METTL15: variants seen among roughly 807,000 people sequenced by gnomAD.
The protein encoded by METTL15 is 12S rRNA N(4)-cytidine methyltransferase METTL15.
Under a neutral mutation model 38.3 loss-of-function variants are expected in METTL15, and 34 were observed. The observed-to-expected ratio is 0.89, with a 90% CI of 0.68 to 1.18. The LOEUF (loss-of-function observed/expected upper bound fraction) is 1.18, where lower values mean the gene tolerates loss of function less well. METTL15 is among the 50% of genes most tolerant of loss of function. METTL15 has a pLI of 0.00. For missense variants in METTL15, 438 were observed against 498.4 expected (o/e 0.88, Z 1.15); for synonymous variants, 162 against 170.9 (o/e 0.95, Z 0.41).
At chr11:28,483,181 T>A (rs1435525319) in intron 6 of METTL15, among the ~76,000 whole-genome samples, 4 of 152,108 alleles carry the variant, frequency 2.6e-5, no homozygotes, top group Non-Finnish European at 5.9e-5. Context: ...GGGAGATACC[T>A]CCCATTATGT....
chr11:28,519,538 G>A (rs555738656), intron 6 of METTL15, among the ~76,000 whole-genome samples: 1 of 146,660 alleles, frequency 6.8e-6, no homozygotes, highest in Non-Finnish European at 1.5e-5. Flanking sequence ...CTGGGCGACA[G>A]AGTGAGGCTC....
intron 6 of METTL15, among the ~76,000 whole-genome samples, chr11:28,503,227 A>G (rs1851599302): frequency 6.6e-6 from 1 of 152,216 alleles, no homozygotes; most frequent in Non-Finnish European, 1.5e-5. Context: ...TTATTTGCCC[A>G]TAGTAGTCAT....
chr11:28,334,159 C>A (rs1425589571), downstream of METTL15, among the ~76,000 whole-genome samples: 3 of 151,742 alleles, frequency 2.0e-5, no homozygotes, highest in South Asian at 4.2e-4. Context: ...AAAAAAATAC[C>A]TTTTTCACCA....
At chr11:28,365,284 G>C (rs1208922075) in intron 5 of METTL15, among the ~76,000 whole-genome samples, 1 of 152,126 alleles carries the variant, frequency 6.6e-6, no homozygotes, top group African/African-American at 2.4e-5. Context: ...GCAGAATTCA[G>C]CTGTAAATCC....
chr11:28,424,147 A>G (rs1347196703), intron 5 of METTL15, among the ~76,000 whole-genome samples: 1 of 152,158 alleles, frequency 6.6e-6, no homozygotes, highest in East Asian at 1.9e-4. Context: ...TTAATGTTCC[A>G]TCATTTTTAT....
intron 6 of METTL15, among the ~76,000 whole-genome samples, chr11:28,326,717 A>G (rs1021037134): frequency 6.6e-6 from 1 of 152,082 alleles, no homozygotes; most frequent in African/African-American, 2.4e-5. Flanking sequence ...AGCTGGGACT[A>G]CAGGCATGCA....
At position 28,188,317 on chromosome 11, in the gene METTL15, A is replaced by G. The variant is rs142479990; in HGVS notation, c.271-22745A>G. ...CTGACAAAGTCTTAAACCAAGGCAT[A>G]TATAGTATTACATTTGTTGTAATTA... On this transcript the variant is annotated intron_variant, in intron 3 of 6. Coordinates refer to ENST00000407364, the MANE Select transcript of METTL15 (RefSeq NM_001113528.2). Among the ~76,000 whole-genome samples, 28 of 151,412 alleles carry G rather than the reference A, an allele frequency of 1.8e-4. No individual in the cohort carries two copies. In the East Asian group the frequency reaches 5.4e-3, roughly 29 times the overall value.
intron 6 of METTL15, chr11:28,328,251 T>C: frequency 7.9e-7 from 1 of 1,266,882 alleles, no homozygotes; most frequent in Non-Finnish European, 1.1e-6. Flanking sequence ...TCCCCTAGTG[T>C]CTAACATTCT....
At chr11:28,511,480 C>G (rs1398376274) in intron 6 of METTL15, among the ~76,000 whole-genome samples, 4 of 152,178 alleles carry the variant, frequency 2.6e-5, no homozygotes, top group Non-Finnish European at 5.9e-5. Flanking sequence ...TGGACCCTCG[C>G]TGTGAGTGTT....
intron 4 of METTL15, among the ~76,000 whole-genome samples, chr11:28,251,736 C>CT (rs748898919): frequency 3.2e-4 from 48 of 151,984 alleles, no homozygotes; most frequent in Admixed American, 5.9e-4. Context: ...ATCTAGATCT[C>CT]TAACATTTCA....
intron 4 of METTL15, among the ~76,000 whole-genome samples, chr11:28,358,729 C>G (rs1850110906): frequency 6.6e-6 from 1 of 152,058 alleles, no homozygotes; most frequent in South Asian, 2.1e-4. Context: ...TTTTGTCTCT[C>G]CAAAACCTAG....
chr11:28,530,225 G>A (rs751541626), downstream of METTL15, among the ~76,000 whole-genome samples: 13 of 152,162 alleles, frequency 8.5e-5, no homozygotes, highest in Admixed American at 2.0e-4. Context: ...GAGAGACAGA[G>A]AGAGAGAAAC....
chr11:28,159,852 A>ATG (rs1292940569), intron 3 of METTL15, among the ~76,000 whole-genome samples: 2 of 151,964 alleles, frequency 1.3e-5, no homozygotes, highest in African/African-American at 4.8e-5. Context: ...ATTTCAGGAG[A>ATG]TGTGTATGAG....
intron 4 of METTL15, among the ~76,000 whole-genome samples, chr11:28,278,616 T>G (rs1855931049): frequency 6.6e-6 from 1 of 152,160 alleles, no homozygotes; most frequent in Admixed American, 6.5e-5. Flanking sequence ...CTTTACTAAG[T>G]CTTACTATTC....
At chr11:28,297,061 T>G in intron 6 of METTL15, 130 bp downstream of exon 6, 1 of 904,332 alleles carries the variant, frequency 1.1e-6, no homozygotes, top group Non-Finnish European at 1.7e-6. Flanking sequence ...GGGATTCATT[T>G]GTACTTGAAA....
intron 6 of METTL15, among the ~76,000 whole-genome samples, chr11:28,304,303 A>T (rs1431225321): frequency 6.6e-6 from 1 of 152,178 alleles, no homozygotes; most frequent in East Asian, 1.9e-4. Flanking sequence ...GGGACATGTT[A>T]AGGTATATCT....
intron 5 of METTL15, among the ~76,000 whole-genome samples, chr11:28,293,520 G>C (rs1245402764): frequency 6.6e-6 from 1 of 150,998 alleles, no homozygotes; most frequent in South Asian, 2.1e-4. Flanking sequence ...TGTGGCTTAG[G>C]ATTGACTTGG....
intron 5 of METTL15, among the ~76,000 whole-genome samples, chr11:28,423,269 T>C (rs1479640186): frequency 6.6e-6 from 1 of 152,056 alleles, no homozygotes; most frequent in African/African-American, 2.4e-5. Context: ...GTACAACCAC[T>C]ATGGAGAACA....
chr11:28,502,801 A>G (rs1197996589), intron 6 of METTL15, among the ~76,000 whole-genome samples: 4 of 152,154 alleles, frequency 2.6e-5, no homozygotes, highest in Admixed American at 2.6e-4. Flanking sequence ...GGGGACGTGA[A>G]AAAGAGCAGA....
Sources: gnomAD v4.1 joint callset for allele counts (sites outside exome capture counted in the v4.1 genomes callset) on GRCh38, gnomAD v4.1.1 for gene constraint, MANE v1.5 for transcripts, NCBI Gene and HGNC (gene_info 2026-07-23, HGNC 2026-07-21) for gene names.